Variants in BMPER observed in about 807,000 individuals in gnomAD.
The protein encoded by BMPER is BMP-binding endothelial regulator protein.
Under a neutral mutation model 87.3 loss-of-function variants are expected in BMPER, and 45 were observed. That is an observed-to-expected ratio of 0.52 (90% CI 0.41 to 0.66). The LOEUF (loss-of-function observed/expected upper bound fraction) is 0.66. Ranked by LOEUF, BMPER falls within the 30% of genes least tolerant of loss-of-function variation. The pLI, the probability that BMPER is intolerant of heterozygous loss-of-function variation, is 0.00. For synonymous variants in BMPER, 326 were observed against 316.2 expected (o/e 1.03, Z -0.33); for missense variants, 784 against 867.5 (o/e 0.90, Z 1.21).
intron 11 of BMPER, among the ~76,000 whole-genome samples, chr7:34,078,257 C>T (rs189080466): frequency 1.3e-4 from 20 of 152,180 alleles, no homozygotes; most frequent in Admixed American, 7.8e-4. Flanking sequence ...TTTTGGAAAA[C>T]GTATAAAGAC....
chr7:34,104,546 A>G (rs1377503839), intron 13 of BMPER, among the ~76,000 whole-genome samples: 1 of 152,148 alleles, frequency 6.6e-6, no homozygotes, highest in Non-Finnish European at 1.5e-5. Flanking sequence ...CTCTCCTTTT[A>G]GGACACTTGG....
At chr7:33,936,597 T>C (rs1784609572) in intron 2 of BMPER, among the ~76,000 whole-genome samples, 2 of 152,206 alleles carry the variant, frequency 1.3e-5, no homozygotes, top group South Asian at 4.1e-4. Flanking sequence ...CAAACAGGCA[T>C]ATTCATCATG....
chr7:34,107,091 T>A (rs1318759829), intron 13 of BMPER, among the ~76,000 whole-genome samples: 1 of 152,228 alleles, frequency 6.6e-6, no homozygotes, highest in East Asian at 1.9e-4. Context: ...CCTCTGTTGC[T>A]GTCCTTTCTT....
At chr7:33,905,830 GGGAGGGTGGGGA>G in intron 1 of BMPER, 84 bp downstream of exon 1, 1 of 1,252,930 alleles carries the variant, frequency 8.0e-7, no homozygotes, top group Non-Finnish European at 1.1e-6. Flanking sequence ...CCCCGGGGAT[GGGAGGGTGGGGA>G]GCGCGCACCT....
At chr7:33,982,966 T>G (rs1785903586) in intron 6 of BMPER, among the ~76,000 whole-genome samples, 1 of 152,152 alleles carries the variant, frequency 6.6e-6, no homozygotes, top group Admixed American at 6.5e-5. Context: ...TGGGAAAATT[T>G]CATAATATGT....
chr7:34,034,763 T>C (rs1299679731), intron 6 of BMPER, among the ~76,000 whole-genome samples: 2 of 152,236 alleles, frequency 1.3e-5, no homozygotes, highest in Admixed American at 1.3e-4. Context: ...GCATCTGTGG[T>C]ACTGAACTTG....
intron 2 of BMPER, among the ~76,000 whole-genome samples, chr7:33,930,204 AT>A (rs999841870): frequency 6.6e-6 from 1 of 150,984 alleles, no homozygotes; most frequent in African/African-American, 2.4e-5. Flanking sequence ...TTGTCTTTCT[AT>A]TTTTTTTCAA....
chr7:34,071,253 C>T (rs116870986), intron 11 of BMPER, among the ~76,000 whole-genome samples: 84 of 152,290 alleles, frequency 5.5e-4, no homozygotes, highest in South Asian at 1.0e-3. Flanking sequence ...GCTAGACTTG[C>T]ATAACATTTA....
chr7:34,077,248 T>G (rs1788889062), intron 11 of BMPER, among the ~76,000 whole-genome samples: 1 of 152,064 alleles, frequency 6.6e-6, no homozygotes, highest in East Asian at 1.9e-4. Context: ...GACTGATAAA[T>G]GCACTCTGAA....
chr7:34,097,943 G>A (rs1010900777), intron 13 of BMPER, among the ~76,000 whole-genome samples: 1 of 152,062 alleles, frequency 6.6e-6, no homozygotes, highest in African/African-American at 2.4e-5. Context: ...CCAAAGTGGT[G>A]ATTTGAGCTC....
intron 6 of BMPER, among the ~76,000 whole-genome samples, chr7:34,024,384 A>AATATATAT (rs200214350): frequency 2.4e-3 from 57 of 23,416 alleles, no homozygotes; most frequent in South Asian, 5.6e-3. Flanking sequence ...AAAAAAAAAC[A>AATATATAT]ATATATATAT....
chr7:34,003,789 T>C (rs1005234901), intron 6 of BMPER, among the ~76,000 whole-genome samples: 1 of 152,122 alleles, frequency 6.6e-6, no homozygotes, highest in Non-Finnish European at 1.5e-5. Flanking sequence ...AGCTATTTTA[T>C]TGATGCTCTC....
In BMPER at chr7:34,057,997, T is replaced by C. The variant is rs573609574; in HGVS notation, c.928-62T>C. The C allele has an allele frequency of 1.0e-5, 15 of 1,450,392 alleles. No homozygotes were observed. In the Admixed American group the frequency reaches 2.4e-4, roughly 23 times the overall value. The allele number at this position is 1,450,392 out of a possible 1,614,324, so 89.8% of individuals were successfully genotyped here. ...GCTTTCCTCCATGGAGAGGTTACAGTCTGTTGCCTCAACTCCTGTCAGCCT... is the reference window on the plus strand; with the variant it reads ...GCTTTCCTCCATGGAGAGGTTACAGCCTGTTGCCTCAACTCCTGTCAGCCT... On this transcript the variant is annotated intron_variant, in intron 9 of 14. Transcript: ENST00000649409.
Position 33,937,479 on chromosome 7 carries a change from G to T in BMPER, c.319+91G>T, listed in dbSNP as rs1327576421. 4 of 1,353,244 alleles carry T rather than the reference G, an allele frequency of 3.0e-6. No individual in the cohort carries two copies. In the African/African-American group the frequency reaches 4.3e-5, roughly 15 times the overall value. 83.8% of individuals were successfully genotyped at this position (1,353,244 alleles called of 1,614,324 possible). Reference sequence around the variant, plus strand: ...TCACCTTCCTTTTCACTCAGCTTTTGGCTGGGGTGCACATGGGTGGGGAGG... The same window carrying T: ...TCACCTTCCTTTTCACTCAGCTTTTTGCTGGGGTGCACATGGGTGGGGAGG... On this transcript the variant is annotated intron_variant, in intron 3 of 14. Transcript: ENST00000649409.
chr7:33,948,613 A>C (rs1365791839), intron 3 of BMPER, among the ~76,000 whole-genome samples: 2 of 152,138 alleles, frequency 1.3e-5, no homozygotes, highest in Non-Finnish European at 2.9e-5. Context: ...ATAGTGAGTG[A>C]GTTCTCACCA....
intron 6 of BMPER, among the ~76,000 whole-genome samples, chr7:34,037,878 G>A (rs1487777754): frequency 1.3e-5 from 2 of 152,180 alleles, no homozygotes; most frequent in East Asian, 1.9e-4. Flanking sequence ...TACTCAGATC[G>A]CAAGCCATAA....
At chr7:33,934,517 C>CAAA (rs11340819) in intron 2 of BMPER, among the ~76,000 whole-genome samples, 2 of 59,276 alleles carry the variant, frequency 3.4e-5, no homozygotes, top group Non-Finnish European at 8.4e-5. Context: ...TGTGTGTGTA[C>CAAA]AAAAAAAAAA....
chr7:34,076,243 A>T (rs972887874), intron 11 of BMPER, among the ~76,000 whole-genome samples: 7 of 152,090 alleles, frequency 4.6e-5, no homozygotes, highest in African/African-American at 1.7e-4. Flanking sequence ...TGCTTCTATG[A>T]CGACTTGCTT....
intron 3 of BMPER, among the ~76,000 whole-genome samples, chr7:33,942,811 A>G (rs1472171072): frequency 6.6e-6 from 1 of 152,214 alleles, no homozygotes; most frequent in Non-Finnish European, 1.5e-5. Flanking sequence ...TTTGAAAATC[A>G]GTAGAATGAT....
Sources: allele counts gnomAD v4.1 joint callset (sites outside exome capture counted in the v4.1 genomes callset), GRCh38; gene constraint gnomAD v4.1.1; transcripts MANE v1.5; gene names NCBI Gene and HGNC (gene_info 2026-07-23, HGNC 2026-07-21).